SPAG17: variants seen among roughly 807,000 people sequenced by gnomAD.
SPAG17 encodes the protein sperm-associated antigen 17.
SPAG17 carries 169 observed loss-of-function variants against 273.6 expected under a neutral mutation model. The ratio of observed to expected loss-of-function variants is 0.62; its 90% CI spans 0.55 to 0.70. The LOEUF is 0.70. SPAG17 is among the 30% of genes least tolerant of loss of function. SPAG17 has a pLI of 0.00. For synonymous variants in SPAG17, 825 were observed against 873.2 expected (o/e 0.94, Z 0.97); for missense variants, 2,557 against 2,627.8 (o/e 0.97, Z 0.59).
At chr1:118,095,399 A>G (rs1025558284) in intron 7 of SPAG17, among the ~76,000 whole-genome samples, 2 of 152,194 alleles carry the variant, frequency 1.3e-5, no homozygotes, top group Non-Finnish European at 1.5e-5. Context: ...ATGGAGCAAA[A>G]GGTACTTGGC....
chr1:118,127,122 C>T (rs550873217), intron 3 of SPAG17, among the ~76,000 whole-genome samples: 10 of 152,270 alleles, frequency 6.6e-5, no homozygotes, highest in Admixed American at 2.6e-4. Context: ...TAGTATGAAG[C>T]CTCCACTTTG....
chr1:117,987,784 A>G (rs1170284052), intron 40 of SPAG17, 50 bp downstream of exon 40: 1 of 1,593,464 alleles, frequency 6.3e-7, no homozygotes, highest in Non-Finnish European at 8.6e-7. Flanking sequence ...TTCTCAGTCT[A>G]TTACTCTGGG....
At chr1:118,055,055 C>A (rs185137492) in intron 19 of SPAG17, among the ~76,000 whole-genome samples, 2 of 152,046 alleles carry the variant, frequency 1.3e-5, no homozygotes, top group African/African-American at 4.8e-5. Flanking sequence ...ATTATCTCAA[C>A]GTTTCACTTC....
chr1:118,044,141 T>C (rs937206745), intron 20 of SPAG17, among the ~76,000 whole-genome samples: 4 of 152,190 alleles, frequency 2.6e-5, no homozygotes, highest in Admixed American at 2.6e-4. Context: ...TATGTACATA[T>C]ATGTATACTT....
At chr1:118,011,412 T>C (rs771264226) in intron 30 of SPAG17, among the ~76,000 whole-genome samples, 1 of 152,088 alleles carries the variant, frequency 6.6e-6, no homozygotes, top group African/African-American at 2.4e-5. Flanking sequence ...CACGATCACA[T>C]CCTTTGCTGG....
rs768266879 is a variant in SPAG17, at chr1:118,005,779, G to A, written c.4588-177C>T. Among the ~76,000 whole-genome samples, 56 of 152,260 alleles carry A rather than the reference G, an allele frequency of 3.7e-4. No homozygotes were observed. In the Middle Eastern group the frequency reaches 0.014, roughly 37 times the overall value. ...TTTGGAAAGGGCTACTCGATAAAGA[G>A]GCAAACTGAATAGTTAGGATATCAT... is the stretch of plus-strand genomic sequence containing the variant. On this transcript the variant is annotated intron_variant, in intron 31 of 48. Transcript: ENST00000336338.
chr1:117,956,996 A>G (rs930409754), intron 48 of SPAG17: 6 of 1,314,792 alleles, frequency 4.6e-6, no homozygotes, highest in Non-Finnish European at 6.1e-6. Flanking sequence ...AATAAAGGGA[A>G]GGATTTAAAA....
chr1:117,967,536 G>C (rs1188620906), intron 46 of SPAG17, among the ~76,000 whole-genome samples: 1 of 152,200 alleles, frequency 6.6e-6, no homozygotes, highest in African/African-American at 2.4e-5. Context: ...GTGTTGGGCT[G>C]CATTCAAAGC....
intron 24 of SPAG17, 128 bp from the exon 25 acceptor site, chr1:118,031,995 T>C: frequency 1.4e-6 from 1 of 710,788 alleles, no homozygotes; most frequent in Non-Finnish European, 2.3e-6. Context: ...ATATGATTTA[T>C]CAGTTGGATA....
At chr1:117,962,485 T>C (rs1231133274) in intron 48 of SPAG17, 2 of 151,882 alleles carry the variant, frequency 1.3e-5, no homozygotes, top group Admixed American at 1.3e-4. Context: ...CCTTTTGAGA[T>C]TGCAGTGAGC....
At chr1:118,183,494 C>A (rs1232325416) in intron 1 of SPAG17, among the ~76,000 whole-genome samples, 2 of 152,108 alleles carry the variant, frequency 1.3e-5, no homozygotes, top group Non-Finnish European at 2.9e-5. Context: ...TGTATTCCAA[C>A]AAACTGAAGA....
At chr1:118,079,786 A>G (rs1654385873) in intron 15 of SPAG17, among the ~76,000 whole-genome samples, 1 of 152,098 alleles carries the variant, frequency 6.6e-6, no homozygotes, top group Non-Finnish European at 1.5e-5. Context: ...TGCATTCTAT[A>G]GTTTTGATAC....
intron 20 of SPAG17, among the ~76,000 whole-genome samples, chr1:118,051,048 G>A (rs774486333): frequency 2.0e-5 from 3 of 151,866 alleles, no homozygotes; most frequent in Non-Finnish European, 4.4e-5. Context: ...CAGTAGCAAG[G>A]AAACAAATAA....
At position 118,086,943 on chromosome 1, in the gene SPAG17, C is replaced by T. The variant is rs138880128; in HGVS notation, c.1425G>A (p.Gly475=). The change falls in exon 11 of 49, where the codon GGG becomes GGA. Residue 475 remains glycine (G), a synonymous_variant. Transcript: ENST00000336338. The part of the protein sequence containing the change: ...SLREPSPRAD[G]LDHRIAAHIV... The stretch of plus-strand genomic sequence containing the variant: ...TGTGAGCTGCGATTCTGTGGTCTAG[C>T]CCGTCTGCTCTGGGGGATGGCTCCC... 124 of 1,606,592 alleles carry T rather than the reference C, an allele frequency of 7.7e-5. No individual in the cohort carries two copies. Among genetic ancestry groups the T allele is most frequent in the Middle Eastern group, 1.7e-4 (1 of 6,018 alleles).
intron 1 of SPAG17, among the ~76,000 whole-genome samples, chr1:118,175,574 C>CAAAAAA (rs79880272): frequency 4.6e-5 from 2 of 43,856 alleles, no homozygotes; most frequent in Non-Finnish European, 9.7e-5. Flanking sequence ...TTTCAAAGTA[C>CAAAAAA]AAAAAAAAAA....
At chr1:118,117,500 G>T (rs1324149368) in intron 3 of SPAG17, among the ~76,000 whole-genome samples, 2 of 152,198 alleles carry the variant, frequency 1.3e-5, no homozygotes, top group Non-Finnish European at 2.9e-5. Flanking sequence ...AACTATCTGT[G>T]GGGTGTGGTT....
intron 1 of SPAG17, among the ~76,000 whole-genome samples, chr1:118,168,495 G>A (rs1441296901): frequency 1.3e-5 from 2 of 152,194 alleles, no homozygotes; most frequent in African/African-American, 2.4e-5. Context: ...AACAGGCCAT[G>A]AGGCTACGGT....
At chr1:118,159,871 C>T (rs925144372) in intron 1 of SPAG17, among the ~76,000 whole-genome samples, 1 of 152,182 alleles carries the variant, frequency 6.6e-6, no homozygotes, top group African/African-American at 2.4e-5. Context: ...CACACCTTAA[C>T]TATCTCCCCA....
chr1:118,164,409 TCA>T (rs1660066002), intron 1 of SPAG17, among the ~76,000 whole-genome samples: 1 of 17,350 alleles, frequency 5.8e-5, no homozygotes, highest in African/African-American at 3.3e-4. Context: ...ACTAAATTTG[TCA>T]GTCAGTCTGA....
Sources: gnomAD v4.1 joint callset for allele counts (sites outside exome capture counted in the v4.1 genomes callset) on GRCh38, gnomAD v4.1.1 for gene constraint, MANE v1.5 for transcripts, NCBI Gene and HGNC (gene_info 2026-07-23, HGNC 2026-07-21) for gene names.